Variants in CNTNAP2 observed in about 807,000 individuals in gnomAD.
The protein encoded by CNTNAP2 is contactin associated protein 2.
Under a neutral mutation model 155.2 loss-of-function variants are expected in CNTNAP2, and 98 were observed. The ratio of observed to expected loss-of-function variants is 0.63; its 90% CI spans 0.54 to 0.75. The LOEUF (loss-of-function observed/expected upper bound fraction) is 0.75, where lower values mean the gene tolerates loss of function less well. Among genes scored for constraint, CNTNAP2 ranks in the 30% least tolerant of loss-of-function variants. The pLI is 0.00. For synonymous variants in CNTNAP2, 651 were observed against 631.2 expected (o/e 1.03, Z -0.47); for missense variants, 1,727 against 1,688.1 (o/e 1.02, Z -0.40).
At chr7:146,616,931 T>C (rs1283975518) in intron 1 of CNTNAP2, among the ~76,000 whole-genome samples, 3 of 151,962 alleles carry the variant, frequency 2.0e-5, no homozygotes, top group African/African-American at 7.2e-5. Context: ...GTAAAATGTG[T>C]TTAGTTATTG....
At chr7:147,718,764 A>G (rs1796519749) in intron 13 of CNTNAP2, among the ~76,000 whole-genome samples, 1 of 152,168 alleles carries the variant, frequency 6.6e-6, no homozygotes, top group South Asian at 2.1e-4. Context: ...ATTTACAAAT[A>G]TGACTGCTAA....
At chr7:148,212,632 G>A (rs879265858) in intron 18 of CNTNAP2, among the ~76,000 whole-genome samples, 3 of 152,036 alleles carry the variant, frequency 2.0e-5, no homozygotes, top group East Asian at 1.9e-4. Flanking sequence ...ATAATTTTAC[G>A]AGGGAAATGA....
At chr7:147,213,661 T>C (rs1803204641) in intron 8 of CNTNAP2, among the ~76,000 whole-genome samples, 1 of 152,082 alleles carries the variant, frequency 6.6e-6, no homozygotes, top group Non-Finnish European at 1.5e-5. Flanking sequence ...TAAAGAGATT[T>C]ATTAGGGATA....
intron 12 of CNTNAP2, among the ~76,000 whole-genome samples, chr7:147,637,478 G>A (rs946556115): frequency 4.6e-5 from 7 of 152,150 alleles, no homozygotes; most frequent in Admixed American, 1.3e-4. Context: ...AAGACCAAAT[G>A]AGGAGGAAGT....
chr7:146,334,955 A>T (rs944533795), intron 1 of CNTNAP2, among the ~76,000 whole-genome samples: 3 of 152,130 alleles, frequency 2.0e-5, no homozygotes, highest in African/African-American at 7.2e-5. Context: ...CATTGATCAC[A>T]TCCCAAACTC....
intron 3 of CNTNAP2, among the ~76,000 whole-genome samples, chr7:147,024,847 CG>C (rs1798874064): frequency 6.6e-6 from 1 of 151,998 alleles, no homozygotes; most frequent in African/African-American, 2.4e-5. Context: ...TCAATCATGG[CG>C]GAAGGTGAAG....
At chr7:147,480,701 G>A (rs940296904) in intron 10 of CNTNAP2, among the ~76,000 whole-genome samples, 4 of 152,198 alleles carry the variant, frequency 2.6e-5, no homozygotes, top group African/African-American at 9.6e-5. Flanking sequence ...GCTGCAGGCT[G>A]TCTTCTCTCC....
chr7:148,099,955 C>G (rs940828368), intron 15 of CNTNAP2, among the ~76,000 whole-genome samples: 1 of 147,956 alleles, frequency 6.8e-6, no homozygotes, highest in Non-Finnish European at 1.5e-5. Flanking sequence ...TCACTGCAAC[C>G]TCTGCCTCCT....
chr7:147,649,950 A>C lies in CNTNAP2; in HGVS notation c.2098+10644A>C, dbSNP rs1795425090. 2.0e-5 allele frequency among the ~76,000 whole-genome samples: 3 copies of C among 152,008 alleles called. No individual in the cohort carries two copies. The South Asian group carries it at 6.2e-4, about 32-fold the overall frequency. On this transcript the variant is annotated intron_variant, in intron 13 of 23. Transcript: ENST00000361727. ...AGGAGAAAATTTTTAAAAAGTACTG[A>C]CAATTTTATTATTTATCTTTATGAA...
At chr7:147,048,067 A>ATTTTT (rs11352009) in intron 4 of CNTNAP2, among the ~76,000 whole-genome samples, 13 of 90,366 alleles carry the variant, frequency 1.4e-4, no homozygotes, top group Non-Finnish European at 1.8e-4. Flanking sequence ...CGGAGAGACA[A>ATTTTT]TTTTTTTTTT....
chr7:147,734,668 C>T (rs185293764), intron 13 of CNTNAP2, among the ~76,000 whole-genome samples: 176 of 152,272 alleles, frequency 1.2e-3, no homozygotes, highest in African/African-American at 3.9e-3. Flanking sequence ...GGTTGGTAAG[C>T]TATTAATTAT....
rs189641387 is a variant in CNTNAP2, at chr7:146,901,976, C to T, written c.402+62072C>T. Among the ~76,000 whole-genome samples the T allele has an allele frequency of 9.4e-5, 14 of 148,680 alleles. No individual in the cohort carries two copies. In the East Asian group the frequency reaches 1.2e-3, roughly 13 times the overall value. On this transcript the variant is annotated intron_variant, in intron 3 of 23. Coordinates refer to ENST00000361727, the MANE Select transcript of CNTNAP2 (RefSeq NM_014141.6). Reference sequence around the variant, plus strand: ...CTGCAAGCTCCGCCTCCCGGGTTCACGCCATTCTCCTGCCTCAGCCTCCCG... The same window carrying T: ...CTGCAAGCTCCGCCTCCCGGGTTCATGCCATTCTCCTGCCTCAGCCTCCCG...
intron 13 of CNTNAP2, among the ~76,000 whole-genome samples, chr7:147,850,952 G>C (rs147608040): frequency 0.07 from 10,710 of 152,064 alleles, 408 homozygotes; most frequent in East Asian, 0.14. Context: ...AGCTTCTGCA[G>C]AGCAAAAGAA....
chr7:147,826,805 A>G (rs1306264789), intron 13 of CNTNAP2, among the ~76,000 whole-genome samples: 1 of 152,212 alleles, frequency 6.6e-6, no homozygotes, highest in African/African-American at 2.4e-5. Flanking sequence ...AAGTGGACAG[A>G]ATTTCCCATT....
chr7:147,285,076 A>G (rs891254764), intron 8 of CNTNAP2, among the ~76,000 whole-genome samples: 4 of 151,974 alleles, frequency 2.6e-5, no homozygotes, highest in Admixed American at 6.6e-5. Flanking sequence ...TTTTATAAAA[A>G]AAGGATTAAT....
rs1178023020 is a variant in CNTNAP2 at position 146,901,108 on chromosome 7, A to AT, written c.402+61210dup. Among the ~76,000 whole-genome samples the AT allele has an allele frequency of 4.6e-5, 7 of 151,980 alleles. No individual in the cohort carries two copies. The South Asian group carries it at 1.0e-3, about 22-fold the overall frequency. ...TGTCAACACAGGTAAAACAAAAGCT[A>AT]TTTTTTAAGATATTAAACTTAGGCT... On this transcript the variant is annotated intron_variant, in intron 3 of 23. Transcript: ENST00000361727.
chr7:148,005,641 A>G (rs776895567), intron 15 of CNTNAP2, among the ~76,000 whole-genome samples: 3 of 152,016 alleles, frequency 2.0e-5, no homozygotes, highest in African/African-American at 4.8e-5. Flanking sequence ...AATTGGGGCT[A>G]AAGGTGAAAC....
At chr7:148,175,155 A>G (rs903893795) in intron 18 of CNTNAP2, among the ~76,000 whole-genome samples, 5 of 152,184 alleles carry the variant, frequency 3.3e-5, no homozygotes, top group Admixed American at 6.5e-5. Context: ...CCAGTCTATC[A>G]TTGATGGGCA....
At chr7:147,238,036 A>G (rs1803850986) in intron 8 of CNTNAP2, among the ~76,000 whole-genome samples, 1 of 152,204 alleles carries the variant, frequency 6.6e-6, no homozygotes, top group Non-Finnish European at 1.5e-5. Flanking sequence ...TTTTTTTGAG[A>G]CGGAGTCTCG....
Sources: allele counts gnomAD v4.1 joint callset (sites outside exome capture counted in the v4.1 genomes callset), GRCh38; gene constraint gnomAD v4.1.1; transcripts MANE v1.5; gene names NCBI Gene and HGNC (gene_info 2026-07-23, HGNC 2026-07-21).